ARFIP2: variants seen among roughly 807,000 people sequenced by gnomAD.
The protein encoded by ARFIP2 is arfaptin-2.
In ARFIP2, 14 loss-of-function variants were observed where a neutral mutation model predicts 39.2. That is an observed-to-expected ratio of 0.36 (90% confidence interval 0.24 to 0.56). ARFIP2 has a LOEUF of 0.56. Among genes scored for constraint, ARFIP2 ranks in the 20% least tolerant of loss-of-function variants. ARFIP2 has a pLI of 0.85. For missense variants in ARFIP2, 305 were observed against 422.5 expected (o/e 0.72, Z 2.44); for synonymous variants, 167 against 172.4 (o/e 0.97, Z 0.24).
At position 6,479,016 on chromosome 11, in the gene ARFIP2, G is replaced by A; in HGVS notation, c.316-57C>T. 5 of 1,591,384 alleles carry A rather than the reference G, an allele frequency of 3.1e-6. No homozygotes were observed. The Admixed American group carries it at 5.0e-5, about 16-fold the overall frequency. On this transcript the variant is annotated intron_variant, in intron 4 of 7. Coordinates refer to ENST00000396777, the MANE Select transcript of ARFIP2 (RefSeq NM_001376558.2). ...CCCTAACAGCCTCCCCACACAACAG[G>A]TATCTACCCCAGCACCCCCCAGGCT...
rs1434948522 is a variant in ARFIP2, at chr11:6,480,465, T to C, written c.-42-2A>G. On this transcript the variant is annotated splice_acceptor_variant, in intron 1 of 7. Transcript: ENST00000396777. LOFTEE classifies it low-confidence loss of function (5UTR_SPLICE). ...AGTAAAACTCTCCACCCCAGCACCC[T>C]GCAAAGCCCAACACAGAAGTTCTGG... 5 of 1,481,302 alleles carry C rather than the reference T, an allele frequency of 3.4e-6. No individual in the cohort carries two copies. The allele number at this position is 1,481,302 out of a possible 1,614,324, so 91.8% of individuals were successfully genotyped here.
At position 6,479,407 on chromosome 11, in the gene ARFIP2, C is replaced by A. The variant is rs576761855; in HGVS notation, c.197-149G>T. The A allele has an allele frequency of 3.2e-6, 5 of 1,553,836 alleles. No individual in the cohort carries two copies. The Middle Eastern group carries it at 8.4e-4, about 262-fold the overall frequency. On this transcript the variant is annotated intron_variant, in intron 3 of 7. Coordinates refer to ENST00000396777, the MANE Select transcript of ARFIP2 (RefSeq NM_001376558.2). ...GGATGCTCCTGCTTACTAGGAGGAA[C>A]TCGGACTTTGCGCGGTGAGAACCAA...
rs1465634236 is a variant in ARFIP2 at position 6,480,674 on chromosome 11, C to A, written c.-42-211G>T. The A allele has an allele frequency of 3.1e-5, 13 of 417,824 alleles. No homozygotes were observed. The South Asian group carries it at 4.3e-4, about 14-fold the overall frequency. 25.9% of individuals were successfully genotyped at this position (417,824 alleles called of 1,614,324 possible). On this transcript the variant is annotated intron_variant, in intron 1 of 7. Transcript: ENST00000396777. Reference sequence around the variant, plus strand: ...CGGTGTCTTCTCACAAGCCCCCAACCTCACCAGGACTCTGGTGATTATTTC... The same window carrying A: ...CGGTGTCTTCTCACAAGCCCCCAACATCACCAGGACTCTGGTGATTATTTC...
chr11:6,480,818 G>C (rs1272585988), intron 1 of ARFIP2: 1 of 182,728 alleles, frequency 5.5e-6, no homozygotes, highest in South Asian at 1.1e-4. Flanking sequence ...CTCCATGCAG[G>C]CGTGTTTATG....
rs752239238 is a variant in ARFIP2 at position 6,478,976 on chromosome 11, G to C, written c.316-17C>G. On this transcript the variant is annotated splice_polypyrimidine_tract_variant and intron_variant, in intron 4 of 7. Coordinates refer to ENST00000396777, the MANE Select transcript of ARFIP2 (RefSeq NM_001376558.2). The surrounding 1 kb of genome is among the most constrained non-coding windows in gnomAD (Gnocchi z 4.8). ...CTTTGTGCACTGATTGGGAAATGGG[G>C]GAATAAATCAGAGACCCTAACAGCC... The C allele has an allele frequency of 6.2e-7, 1 of 1,612,046 alleles. No homozygotes were observed. Among genetic ancestry groups the C allele is most frequent in the Non-Finnish European group, 8.5e-7 (1 of 1,178,372 alleles).
chr11:6,477,067 C>T lies in ARFIP2; in HGVS notation c.*46G>A. 1 of 1,572,092 alleles carries T rather than the reference C, an allele frequency of 6.4e-7. No homozygotes were observed. The highest frequency in any genetic ancestry group is 8.7e-7 in the Non-Finnish European group (1 of 1,154,230). On this transcript the variant is annotated 3_prime_UTR_variant, in exon 8 of 8. Transcript: ENST00000396777. The surrounding 1 kb of genome is among the most constrained non-coding windows in gnomAD (Gnocchi z 4.8). The stretch of plus-strand genomic sequence containing the variant: ...TCCAATCTCCCACACCCTGGGGCTG[C>T]CCTTCCCAATGTCTTTCTTGATAGC...
chr11:6,478,366 C>G lies in ARFIP2; in HGVS notation c.538-168G>C, dbSNP rs776594068. Among the ~76,000 whole-genome samples the G allele has an allele frequency of 1.3e-5, 2 of 152,054 alleles. No homozygotes were observed. The highest frequency in any genetic ancestry group is 2.9e-5 in the Non-Finnish European group (2 of 67,994). On this transcript the variant is annotated intron_variant, in intron 5 of 7. Coordinates refer to ENST00000396777, the MANE Select transcript of ARFIP2 (RefSeq NM_001376558.2). This position sits in a 1 kb window ranked among gnomAD's most constrained non-coding sequence, Gnocchi z 4.8. ...TAGCCGGAAAGTTAGTGGGATCACC[C>G]TGGGGATACCTGGGGTAGGAATGTG... is the stretch of plus-strand genomic sequence containing the variant.
At position 6,478,912 on chromosome 11, in the gene ARFIP2, A is replaced by G. The variant is rs1851406587; in HGVS notation, c.363T>C (p.Thr121=). The change falls in exon 5 of 8, where the codon ACT becomes ACC. Residue 121 remains threonine, a synonymous_variant. Coordinates refer to ENST00000396777, the MANE Select transcript of ARFIP2 (RefSeq NM_001376558.2). This position sits in a 1 kb window ranked among gnomAD's most constrained non-coding sequence, Gnocchi z 4.8. The part of the protein sequence containing the change: ...LSERFGRGSR[T]VDLELELQIE... Reference sequence around the variant, plus strand: ...TCTGCAGCTCTAGCTCCAGGTCCACAGTCCGTGAGCCTCGACCAAATCGTT... The same window carrying G: ...TCTGCAGCTCTAGCTCCAGGTCCACGGTCCGTGAGCCTCGACCAAATCGTT... 5.6e-6 allele frequency: 9 copies of G among 1,614,102 alleles called. No homozygotes were observed. The highest frequency in any genetic ancestry group is 7.6e-6 in the Non-Finnish European group (9 of 1,180,042).
At position 6,478,511 on chromosome 11, in the gene ARFIP2, G is replaced by A; in HGVS notation, c.537+227C>T. 2.2e-6 allele frequency: 3 copies of A among 1,363,596 alleles called. No homozygotes were observed. The highest frequency in any genetic ancestry group is 2.6e-4 in the Middle Eastern group (1 of 3,778). 84.5% of individuals were successfully genotyped at this position (1,363,596 alleles called of 1,614,324 possible). A position where few individuals can be genotyped will look rare whatever the true frequency, so the allele number is the denominator to read the frequency against. ...AGGCATTCTCCCCAGTGCAGAGAGGGGTTATTTGTGAGGCACCTAGTGTGC... is the reference window on the plus strand; with the variant it reads ...AGGCATTCTCCCCAGTGCAGAGAGGAGTTATTTGTGAGGCACCTAGTGTGC... On this transcript the variant is annotated intron_variant, in intron 5 of 7. Coordinates refer to ENST00000396777, the MANE Select transcript of ARFIP2 (RefSeq NM_001376558.2). The surrounding 1 kb of genome is among the most constrained non-coding windows in gnomAD (Gnocchi z 4.8).
intron 1 of ARFIP2, 135 bp from the exon 2 acceptor site, chr11:6,480,598 T>A (rs960660961): frequency 1.8e-6 from 1 of 560,890 alleles, no homozygotes; most frequent in Non-Finnish European, 3.1e-6. Context: ...TCTTCAGATA[T>A]ATGTATTTCT....
chr11:6,478,669 G>A lies in ARFIP2; in HGVS notation c.537+69C>T, dbSNP rs1284864214. 6.5e-7 allele frequency: 1 copy of A among 1,547,004 alleles called. No homozygotes were observed. The highest frequency in any genetic ancestry group is 1.2e-5 in the South Asian group (1 of 82,920). The stretch of plus-strand genomic sequence containing the variant: ...CCCTGTGGGCTGCAGGAGGGAGGGA[G>A]GATGAGGAATGACTGCCTGGGAGGG... On this transcript the variant is annotated intron_variant, in intron 5 of 7. Transcript: ENST00000396777. This position sits in a 1 kb window ranked among gnomAD's most constrained non-coding sequence, Gnocchi z 4.8.
At chr11:6,480,697 T>C (rs1047601152) in intron 1 of ARFIP2, 51 of 359,260 alleles carry the variant, frequency 1.4e-4, no homozygotes, top group African/African-American at 1.0e-3. Flanking sequence ...TGGTGATTAT[T>C]TCTACACTCA....
In ARFIP2 at chr11:6,477,227, A is replaced by G. The variant is rs1490037931; in HGVS notation, c.912T>C (p.Ala304=). ...GGTTCCCAGCAAAGTAGGCGGACACAGCATTGTGGAAGAGCAGCAGCTGCT... is the reference window on the plus strand; with the variant it reads ...GGTTCCCAGCAAAGTAGGCGGACACGGCATTGTGGAAGAGCAGCAGCTGCT... ...MHKQLLLFHN[A]VSAYFAGNQK... is the part of the protein sequence containing the mutation. The change falls in exon 8 of 8, where the codon GCT becomes GCC. Residue 304 remains alanine, a synonymous_variant. Coordinates refer to ENST00000396777, the MANE Select transcript of ARFIP2 (RefSeq NM_001376558.2). The surrounding 1 kb of genome is among the most constrained non-coding windows in gnomAD (Gnocchi z 4.8). 1 of 1,613,666 alleles carries G rather than the reference A, an allele frequency of 6.2e-7. No individual in the cohort carries two copies. Among genetic ancestry groups the G allele is most frequent in the South Asian group, 1.1e-5 (1 of 90,878 alleles).
Position 6,478,790 on chromosome 11 carries a change from T to C in ARFIP2, c.485A>G (p.His162Arg), listed in dbSNP as rs371356376. 11 of 1,613,990 alleles carry C rather than the reference T, an allele frequency of 6.8e-6. No individual in the cohort carries two copies. The highest frequency in any genetic ancestry group is 2.7e-5 in the African/African-American group (2 of 74,926). Residue 162 changes from histidine (H) to arginine (R), a missense_variant, in exon 5 of 8, where the codon CAT becomes CGT. His to Arg is a conservative substitution (Grantham distance 29). Transcript: ENST00000396777. The surrounding 1 kb of genome is among the most constrained non-coding windows in gnomAD (Gnocchi z 4.8). Reference protein sequence around the residue: ...AHLYSLLQTQHALGDAFADLS... With the variant: ...AHLYSLLQTQRALGDAFADLS... ...GTCAGCAAAGGCATCACCCAGTGCA[T>C]GCTGGGTCTGCAGCAGGCTGTAGAG...
Position 6,478,019 on chromosome 11 carries a change from T to C in ARFIP2, c.695+22A>G. Reference sequence around the variant, plus strand: ...CCATACCAGCCAACTCCCCAAACCCTAAGCCCTGCCAGTGCCCACACCTGG... The same window carrying C: ...CCATACCAGCCAACTCCCCAAACCCCAAGCCCTGCCAGTGCCCACACCTGG... On this transcript the variant is annotated intron_variant, in intron 6 of 7. Transcript: ENST00000396777. This position sits in a 1 kb window ranked among gnomAD's most constrained non-coding sequence, Gnocchi z 4.8. 6.2e-7 allele frequency: 1 copy of C among 1,612,476 alleles called. No homozygotes were observed. Among genetic ancestry groups the C allele is most frequent in the Non-Finnish European group, 8.5e-7 (1 of 1,178,786 alleles).
At chr11:6,481,178 T>C (rs944080601) in intron 1 of ARFIP2, 53 bp downstream of exon 1, 28 of 498,014 alleles carry the variant, frequency 5.6e-5, no homozygotes, top group African/African-American at 3.3e-4. Context: ...CATCTTGCCC[T>C]CTGGACAGGT....
rs1851353061 is a variant in ARFIP2, at chr11:6,478,532, TG to T, written c.537+205del. 7.1e-7 allele frequency: 1 copy of T among 1,416,268 alleles called. No homozygotes were observed. Among genetic ancestry groups the T allele is most frequent in the African/African-American group, 1.4e-5 (1 of 69,170 alleles). 87.7% of individuals were successfully genotyped at this position (1,416,268 alleles called of 1,614,324 possible). On this transcript the variant is annotated intron_variant, in intron 5 of 7. Coordinates refer to ENST00000396777, the MANE Select transcript of ARFIP2 (RefSeq NM_001376558.2). The surrounding 1 kb of genome is among the most constrained non-coding windows in gnomAD (Gnocchi z 4.8). ...GAGGGGTTATTTGTGAGGCACCTAG[TG>T]TGCCCCCTCCCCCACCCCCTCCAAC...
At position 6,478,765 on chromosome 11, in the gene ARFIP2, G is replaced by C; in HGVS notation, c.510C>G (p.Asp170Glu). The change falls in exon 5 of 8, where the codon GAC (aspartate) becomes GAG (glutamate). Residue 170 changes from aspartate (D) to glutamate (E), a missense_variant. By Grantham distance (45) the Asp-to-Glu change is conservative (BLOSUM62 2). Transcript: ENST00000396777. This position sits in a 1 kb window ranked among gnomAD's most constrained non-coding sequence, Gnocchi z 4.8. ...TQHALGDAFA[D>E]LSQKSPELQE... ...GAAGCTCTGGGGACTTCTGGCTGAG[G>C]TCAGCAAAGGCATCACCCAGTGCAT... 6.2e-7 allele frequency: 1 copy of C among 1,612,758 alleles called. No homozygotes were observed. The highest frequency in any genetic ancestry group is 1.3e-5 in the African/African-American group (1 of 75,020).
intron 4 of ARFIP2, 80 bp from the exon 5 acceptor site, chr11:6,479,039 GCTCCTACT>G: frequency 1.3e-6 from 2 of 1,577,774 alleles, no homozygotes; most frequent in Non-Finnish European, 1.7e-6. Context: ...CACCCCCCAG[GCTCCTACT>G]CTCAGCCACA....
Sources: allele counts gnomAD v4.1 joint callset (sites outside exome capture counted in the v4.1 genomes callset), GRCh38; gene constraint gnomAD v4.1.1; non-coding constraint Gnocchi (gnomAD v3.1); transcripts MANE v1.5; gene names NCBI Gene and HGNC (gene_info 2026-07-23, HGNC 2026-07-21).